NPHP4: variants seen among roughly 807,000 people sequenced by gnomAD.
The protein encoded by NPHP4 is nephrocystin-4.
Under a neutral mutation model 155.8 loss-of-function variants are expected in NPHP4, and 151 were observed. That is an observed-to-expected ratio of 0.97 (90% CI 0.85 to 1.11). NPHP4 has a LOEUF of 1.11. NPHP4 is among the 50% of genes least tolerant of loss of function. The probability of loss-of-function intolerance (pLI) is 0.00; values close to 1 mark genes in which losing one functional copy is unlikely to be tolerated. For missense variants in NPHP4, 1,956 were observed against 1,925.7 expected, an observed-to-expected ratio of 1.02 and a Z score of -0.29; for synonymous variants, 845 against 816.8, an observed-to-expected ratio of 1.03 and a Z score of -0.59.
chr1:5,918,140 T>C (rs1051333665), intron 11 of NPHP4, among the ~76,000 whole-genome samples: 2 of 152,086 alleles, frequency 1.3e-5, no homozygotes, highest in Non-Finnish European at 2.9e-5. Context: ...CACACAAGGA[T>C]ATAAAATAAA....
At chr1:5,976,908 C>G (rs564514725) in intron 3 of NPHP4, among the ~76,000 whole-genome samples, 1 of 152,252 alleles carries the variant, frequency 6.6e-6, no homozygotes, top group East Asian at 1.9e-4. Flanking sequence ...AAAGGCACAC[C>G]TGGGCAGTGG....
intron 10 of NPHP4, 98 bp from the exon 11 acceptor site, chr1:5,927,885 G>T: frequency 7.7e-7 from 1 of 1,306,758 alleles, no homozygotes; most frequent in Non-Finnish European, 1.0e-6. Context: ...CTAAAACAAA[G>T]TCTACGTGAA....
At chr1:5,866,481 A>G (rs187507767) in intron 25 of NPHP4, 23 bp from the exon 26 acceptor site, 6 of 1,453,122 alleles carry the variant, frequency 4.1e-6, no homozygotes, top group Non-Finnish European at 5.7e-6. Context: ...TGTGCAGCAC[A>G]TCAGGGCACA....
At chr1:5,921,205 A>G (rs1016849646) in intron 11 of NPHP4, among the ~76,000 whole-genome samples, 2 of 152,234 alleles carry the variant, frequency 1.3e-5, no homozygotes, top group Non-Finnish European at 2.9e-5. Context: ...ATACGCATAG[A>G]TCTATTTCAT....
intron 6 of NPHP4, among the ~76,000 whole-genome samples, chr1:5,953,451 A>G (rs915041260): frequency 6.6e-6 from 1 of 152,122 alleles, no homozygotes; most frequent in African/African-American, 2.4e-5. Flanking sequence ...CAGATTGGAG[A>G]AGGCAAAGTG....
At chr1:5,922,306 A>G (rs1374533358) in intron 11 of NPHP4, among the ~76,000 whole-genome samples, 1 of 152,242 alleles carries the variant, frequency 6.6e-6, no homozygotes, top group African/African-American at 2.4e-5. Context: ...ATTTTAGGAT[A>G]ATAAGCTCCT....
chr1:5,876,090 G>A (rs1254862161), intron 20 of NPHP4: 1 of 152,310 alleles, frequency 6.6e-6, no homozygotes, highest in African/African-American at 2.4e-5. Context: ...TGGACGATGG[G>A]GCCAGACATG....
At chr1:5,928,208 C>T (rs1407772343) in intron 10 of NPHP4, among the ~76,000 whole-genome samples, 3 of 152,204 alleles carry the variant, frequency 2.0e-5, no homozygotes, top group African/African-American at 4.8e-5. Context: ...TCTGCAGCCA[C>T]ACCCAGCCCA....
Position 5,944,966 on chromosome 1 carries a change from G to C in NPHP4, c.1119+2138C>G, listed in dbSNP as rs1044574323. ...ACAGAGTGAGACTCTGTCTCGAAAA[G>C]AGAAGAGAAGAGAAATCAGTGACTC... On this transcript the variant is annotated intron_variant, in intron 9 of 29. Transcript: ENST00000378156. The surrounding 1 kb of genome is among the most constrained non-coding windows in gnomAD (Gnocchi z 4.3). Among the ~76,000 whole-genome samples the C allele has an allele frequency of 3.3e-5, 5 of 152,076 alleles. No homozygotes were observed. The highest frequency in any genetic ancestry group is 3.3e-4 in the Admixed American group (5 of 15,280).
intron 11 of NPHP4, among the ~76,000 whole-genome samples, chr1:5,921,053 A>T (rs1645717604): frequency 6.6e-6 from 1 of 152,232 alleles, no homozygotes; most frequent in Admixed American, 6.5e-5. Flanking sequence ...GACATTAAGT[A>T]ACTGCTCTAA....
At chr1:5,988,905 T>A (rs1201625037) in intron 1 of NPHP4, among the ~76,000 whole-genome samples, 2 of 152,070 alleles carry the variant, frequency 1.3e-5, no homozygotes, top group Non-Finnish European at 2.9e-5. Context: ...GGCCAGGTAT[T>A]CCTGAGGACC....
intron 5 of NPHP4, among the ~76,000 whole-genome samples, chr1:5,966,966 C>T (rs575856449): frequency 8.5e-4 from 130 of 152,336 alleles, no homozygotes; most frequent in African/African-American, 2.5e-3. Flanking sequence ...GACGGCTGTG[C>T]GGTCAGAGGT....
intron 3 of NPHP4, among the ~76,000 whole-genome samples, chr1:5,976,299 G>A (rs12753871): frequency 0.17 from 26,285 of 152,116 alleles, 2,366 homozygotes; most frequent in African/African-American, 0.21. Flanking sequence ...GAGGATGACA[G>A]GCATGAAATG....
At chr1:5,880,047 G>C in intron 19 of NPHP4, 67 bp downstream of exon 19, 1 of 1,550,406 alleles carries the variant, frequency 6.4e-7, no homozygotes, top group Non-Finnish European at 8.9e-7. Flanking sequence ...ACACACACAC[G>C]CAGTCTTCCA....
At chr1:5,978,225 A>G in intron 3 of NPHP4, 45 bp downstream of exon 3, 1 of 1,570,124 alleles carries the variant, frequency 6.4e-7, no homozygotes, top group South Asian at 1.2e-5. Flanking sequence ...CCGCACACAC[A>G]CCCTCCGCCT....
At chr1:5,975,686 A>T (rs76260062) in intron 3 of NPHP4, among the ~76,000 whole-genome samples, 11,146 of 152,292 alleles carry the variant, frequency 0.073, 497 homozygotes, top group Middle Eastern at 0.12. Flanking sequence ...ACCAGCTCCT[A>T]GTCTCCCTAA....
At chr1:5,863,483 G>T in intron 29 of NPHP4, 78 bp from the exon 30 acceptor site, 1 of 1,533,776 alleles carries the variant, frequency 6.5e-7, no homozygotes, top group East Asian at 2.3e-5. Flanking sequence ...CTGCATGGTC[G>T]TGTTTATTTC....
At position 5,953,951 on chromosome 1, in the gene NPHP4, A is replaced by T. The variant is rs137864904; in HGVS notation, c.674-1115T>A. Among the ~76,000 whole-genome samples, 377 of 152,266 alleles carry T rather than the reference A, an allele frequency of 2.5e-3. 3 individuals carry two copies. Among genetic ancestry groups the T allele is most frequent in the African/African-American group, 8.8e-3 (364 of 41,538 alleles). ...TAGATATGTAGATTTTTAAAAGCTAATTTCAAAGTTGAAAAAAAAGAAAAC... is the reference window on the plus strand; with the variant it reads ...TAGATATGTAGATTTTTAAAAGCTATTTTCAAAGTTGAAAAAAAAGAAAAC... On this transcript the variant is annotated intron_variant, in intron 6 of 29. Transcript: ENST00000378156.
At chr1:5,933,453 A>G in intron 9 of NPHP4, 124 bp from the exon 10 acceptor site, 1 of 745,580 alleles carries the variant, frequency 1.3e-6, no homozygotes, top group Non-Finnish European at 2.3e-6. Context: ...GGCAGGGATC[A>G]TCAGTTGCAT....
Sources: gnomAD v4.1 joint callset for allele counts (sites outside exome capture counted in the v4.1 genomes callset) on GRCh38, gnomAD v4.1.1 for gene constraint, Gnocchi (gnomAD v3.1) non-coding constraint, MANE v1.5 for transcripts, NCBI Gene and HGNC (gene_info 2026-07-23, HGNC 2026-07-21) for gene names.